The following FBXL7 variants were observed in gnomAD, a reference collection of about 807,000 sequenced individuals.
FBXL7 encodes F-box and leucine rich repeat protein 7.
FBXL7 carries 12 observed loss-of-function variants against 38.3 expected under a neutral mutation model. The observed-to-expected ratio is 0.31, with a 90% CI of 0.20 to 0.51. The LOEUF (loss-of-function observed/expected upper bound fraction) is 0.51, where lower values mean the gene tolerates loss of function less well. Ranked by LOEUF, FBXL7 falls within the 20% of genes least tolerant of loss-of-function variation. The pLI is 0.98. For missense variants in FBXL7, 567 were observed against 676.4 expected, an observed-to-expected ratio of 0.84 and a Z score of 1.79; for synonymous variants, 297 against 300.9, an observed-to-expected ratio of 0.99 and a Z score of 0.13.
chr5:15,692,866 G>A (rs1447506962), intron 2 of FBXL7, among the ~76,000 whole-genome samples: 1 of 152,134 alleles, frequency 6.6e-6, no homozygotes, highest in Admixed American at 6.5e-5. Context: ...GGAGAGAGTG[G>A]TGACTATGGT....
intron 2 of FBXL7, among the ~76,000 whole-genome samples, chr5:15,851,654 CTT>C (rs1252016566): frequency 3.3e-5 from 5 of 152,066 alleles, no homozygotes; most frequent in Admixed American, 1.3e-4. Flanking sequence ...TTCCATGTCT[CTT>C]TGCATTATCA....
At chr5:15,712,287 A>T (rs1455543341) in intron 2 of FBXL7, among the ~76,000 whole-genome samples, 1 of 149,922 alleles carries the variant, frequency 6.7e-6, no homozygotes, top group Admixed American at 6.6e-5. Context: ...TATCTCCAGT[A>T]TTGGAAAAGA....
intron 2 of FBXL7, among the ~76,000 whole-genome samples, chr5:15,920,930 T>C (rs893901075): frequency 2.6e-5 from 4 of 152,208 alleles, no homozygotes; most frequent in Non-Finnish European, 5.9e-5. Context: ...CCACAAAATA[T>C]ACATCCTATT....
intron 2 of FBXL7, among the ~76,000 whole-genome samples, chr5:15,657,628 G>T (rs1289429706): frequency 2.0e-5 from 3 of 152,098 alleles, no homozygotes; most frequent in Non-Finnish European, 4.4e-5. Flanking sequence ...GAGCTCATGA[G>T]TTCGAGACCA....
Position 15,620,502 on chromosome 5 carries a change from G to T in FBXL7, c.127+4430G>T, listed in dbSNP as rs781524169. Among the ~76,000 whole-genome samples the T allele has an allele frequency of 3.3e-5, 5 of 150,756 alleles. No individual in the cohort carries two copies. In the East Asian group the frequency reaches 7.8e-4, roughly 23 times the overall value. ...TGACCTTAGGTGATTCACCCGCCTC[G>T]GCCTCCTAAAGTGCTGTTATTACAG... On this transcript the variant is annotated intron_variant, in intron 2 of 3. Coordinates refer to ENST00000504595, the MANE Select transcript of FBXL7 (RefSeq NM_012304.5).
chr5:15,746,399 G>T (rs1178368996), intron 2 of FBXL7, among the ~76,000 whole-genome samples: 2 of 152,164 alleles, frequency 1.3e-5, no homozygotes, highest in African/African-American at 4.8e-5. Context: ...ACCATAGACT[G>T]GGTGGGTTAT....
At chr5:15,502,986 A>C (rs1736539100) in intron 1 of FBXL7, among the ~76,000 whole-genome samples, 1 of 152,222 alleles carries the variant, frequency 6.6e-6, no homozygotes, top group Admixed American at 6.5e-5. Flanking sequence ...AGTGCATAAC[A>C]ATAAAATACA....
intron 2 of FBXL7, among the ~76,000 whole-genome samples, chr5:15,819,263 T>TCTA: frequency 2.0e-5 from 3 of 152,128 alleles, no homozygotes; most frequent in African/African-American, 7.2e-5. Flanking sequence ...TCAGGGATCC[T>TCTA]GTAAGATAGG....
intron 2 of FBXL7, among the ~76,000 whole-genome samples, chr5:15,900,565 G>A (rs1373890207): frequency 3.9e-5 from 6 of 151,956 alleles, no homozygotes; most frequent in Non-Finnish European, 8.8e-5. Context: ...CCCAGCAAAC[G>A]TTTTATTTTG....
chr5:15,863,458 G>A (rs766285266), intron 2 of FBXL7, among the ~76,000 whole-genome samples: 8 of 152,144 alleles, frequency 5.3e-5, no homozygotes, highest in Non-Finnish European at 8.8e-5. Flanking sequence ...TGTGATCCAC[G>A]TGGGCTAGGG....
chr5:15,795,487 G>T (rs9312898), intron 2 of FBXL7, among the ~76,000 whole-genome samples: 49,050 of 152,026 alleles, frequency 0.32, 8,400 homozygotes, highest in Admixed American at 0.45. Flanking sequence ...TCTAAAAAAG[G>T]TATGCCTACC....
intron 2 of FBXL7, among the ~76,000 whole-genome samples, chr5:15,788,082 CTCTG>C (rs1344641765): frequency 6.6e-6 from 1 of 152,132 alleles, no homozygotes; most frequent in Non-Finnish European, 1.5e-5. Flanking sequence ...CAATCTCTGT[CTCTG>C]TCTGCACATG....
chr5:15,841,609 T>G (rs1738747746), intron 2 of FBXL7, among the ~76,000 whole-genome samples: 1 of 152,282 alleles, frequency 6.6e-6, no homozygotes, highest in South Asian at 2.1e-4. Flanking sequence ...ATCCCTTGCT[T>G]GAACTACTTT....
At chr5:15,671,247 G>C (rs1418183012) in intron 2 of FBXL7, among the ~76,000 whole-genome samples, 1 of 152,080 alleles carries the variant, frequency 6.6e-6, no homozygotes, top group African/African-American at 2.4e-5. Context: ...ATGATATACT[G>C]GTTCCTAAGC....
chr5:15,836,964 T>A (rs73062124), intron 2 of FBXL7, among the ~76,000 whole-genome samples: 7,341 of 152,256 alleles, frequency 0.048, 569 homozygotes, highest in African/African-American at 0.17. Flanking sequence ...CACTTATAAG[T>A]AAGCAGTGAA....
intron 2 of FBXL7, among the ~76,000 whole-genome samples, chr5:15,855,064 G>T (rs1487588227): frequency 6.6e-6 from 1 of 152,024 alleles, no homozygotes; most frequent in Non-Finnish European, 1.5e-5. Context: ...GAATTTAGTT[G>T]ACCTCATCCA....
chr5:15,892,934 G>A (rs577796195), intron 2 of FBXL7, among the ~76,000 whole-genome samples: 28 of 152,200 alleles, frequency 1.8e-4, no homozygotes, highest in Admixed American at 8.5e-4. Context: ...TGGCTAACAG[G>A]GTGAAACCCC....
At chr5:15,604,674 T>A (rs1258973632) in intron 1 of FBXL7, among the ~76,000 whole-genome samples, 1 of 152,184 alleles carries the variant, frequency 6.6e-6, no homozygotes, top group Non-Finnish European at 1.5e-5. Context: ...TATTTAATTC[T>A]TTCTCTGCTT....
chr5:15,568,281 T>C (rs1159869939), intron 1 of FBXL7, among the ~76,000 whole-genome samples: 1 of 152,168 alleles, frequency 6.6e-6, no homozygotes, highest in Non-Finnish European at 1.5e-5. Context: ...TTTTTAATGA[T>C]CGCCATTCTA....
Sources: allele counts gnomAD v4.1 joint callset (sites outside exome capture counted in the v4.1 genomes callset), GRCh38; gene constraint gnomAD v4.1.1; transcripts MANE v1.5; gene names NCBI Gene and HGNC (gene_info 2026-07-23, HGNC 2026-07-21).